Variants in SRP54 observed in about 807,000 individuals in gnomAD.
SRP54 encodes signal recognition particle subunit SRP54.
In SRP54, 10 loss-of-function variants were observed where a neutral mutation model predicts 64.8. The ratio of observed to expected loss-of-function variants is 0.15; its 90% CI spans 0.10 to 0.26. The LOEUF is 0.26. Ranked by LOEUF, SRP54 falls within the 10% of genes least tolerant of loss-of-function variation. The pLI, the probability that SRP54 is intolerant of heterozygous loss-of-function variation, is 1.00. For synonymous variants in SRP54, 193 were observed against 185.6 expected (o/e 1.04, Z -0.32); for missense variants, 325 against 613.7 (o/e 0.53, Z 4.97).
At chr14:34,984,687 A>T (rs1566638852) in intron 1 of SRP54, among the ~76,000 whole-genome samples, 1 of 152,108 alleles carries the variant, frequency 6.6e-6, no homozygotes, top group Non-Finnish European at 1.5e-5. Flanking sequence ...TTTTTAGTAG[A>T]GATGGGGTTC....
chr14:34,988,418 TGG>T (rs1229028112), intron 1 of SRP54, among the ~76,000 whole-genome samples: 5 of 150,000 alleles, frequency 3.3e-5, no homozygotes, highest in African/African-American at 4.9e-5. Context: ...AAAAATTAGG[TGG>T]GTGTGGTGGC....
chr14:34,986,607 T>C (rs10135654), intron 1 of SRP54, among the ~76,000 whole-genome samples: 56,031 of 152,052 alleles, frequency 0.37, 10,943 homozygotes, highest in East Asian at 0.69. Context: ...TTGCTGGTCG[T>C]GGTGGCTCAC....
intron 2 of SRP54, 99 bp downstream of exon 2, chr14:34,996,886 GT>G: frequency 1.1e-6 from 1 of 901,334 alleles, no homozygotes; most frequent in South Asian, 1.4e-5. Context: ...GTATTTTGAT[GT>G]AGACTTAATA....
chr14:34,994,124 G>A (rs1324890534), intron 1 of SRP54, among the ~76,000 whole-genome samples: 2 of 152,064 alleles, frequency 1.3e-5, no homozygotes, highest in Non-Finnish European at 2.9e-5. Flanking sequence ...CTTCTGAGTA[G>A]CTGGAATTAA....
intron 4 of SRP54, among the ~76,000 whole-genome samples, chr14:35,003,702 G>A (rs1179595576): frequency 6.6e-6 from 1 of 151,172 alleles, no homozygotes; most frequent in Non-Finnish European, 1.5e-5. Context: ...CCTAGTAGCT[G>A]GGACTACTAC....
In SRP54 at chr14:35,028,283, A is replaced by T. The variant is rs974726974; in HGVS notation, c.1423+100A>T. On this transcript the variant is annotated intron_variant, in intron 15 of 15. Coordinates refer to ENST00000216774, the MANE Select transcript of SRP54 (RefSeq NM_003136.4). ...TTGTAATATTATGAAAATATGTTCA[A>T]AAGGTGTGTGATTTCAGGGAAATGG... 12 of 712,964 alleles carry T rather than the reference A, an allele frequency of 1.7e-5. No individual in the cohort carries two copies. The East Asian group carries it at 3.2e-4, about 19-fold the overall frequency. 44.2% of individuals were successfully genotyped at this position (712,964 alleles called of 1,614,324 possible).
chr14:35,019,122 G>T, intron 13 of SRP54, 48 bp downstream of exon 13: 1 of 1,300,678 alleles, frequency 7.7e-7, no homozygotes. Context: ...CTGAGTATCA[G>T]TAAGATGAGA....
chr14:35,016,952 T>G (rs1274956477), intron 11 of SRP54, among the ~76,000 whole-genome samples: 1 of 151,128 alleles, frequency 6.6e-6, no homozygotes, highest in African/African-American at 2.4e-5. Context: ...CCTCCCAGTT[T>G]GAAGCAGTTC....
intron 1 of SRP54, among the ~76,000 whole-genome samples, chr14:34,989,539 T>C (rs799482): frequency 6.6e-6 from 1 of 152,072 alleles, no homozygotes; most frequent in African/African-American, 2.4e-5. Flanking sequence ...CATTAGACTC[T>C]GTTTATATAA....
chr14:35,028,305 A>G (rs555932189), intron 15 of SRP54, 122 bp downstream of exon 15: 1 of 593,968 alleles, frequency 1.7e-6, no homozygotes. Context: ...TTTCAGGGAA[A>G]TGGTCATCTG....
At chr14:35,014,702 G>T (rs750879925) in intron 10 of SRP54, 42 bp from the exon 11 acceptor site, 5 of 1,417,126 alleles carry the variant, frequency 3.5e-6, no homozygotes, top group Non-Finnish European at 4.0e-6. Context: ...GTGAAGCAGG[G>T]TATAGTATTA....
chr14:35,001,276 C>T (rs937870636), intron 4 of SRP54, among the ~76,000 whole-genome samples: 16 of 150,446 alleles, frequency 1.1e-4, no homozygotes, highest in African/African-American at 3.7e-4. Context: ...CTCAGCCTCC[C>T]GAGTAGCTGG....
At chr14:34,999,148 G>A (rs1050751706) in intron 2 of SRP54, among the ~76,000 whole-genome samples, 1 of 151,346 alleles carries the variant, frequency 6.6e-6, no homozygotes, top group Non-Finnish European at 1.5e-5. Flanking sequence ...CTGAGTAGCT[G>A]GGATCACAGG....
chr14:35,028,173 T>C lies in SRP54; in HGVS notation c.1413T>C (p.Leu471=), dbSNP rs764083360. The change falls in exon 15 of 16, where the codon CTT becomes CTC. Residue 471 remains leucine, a synonymous_variant. Transcript: ENST00000216774. ...QMAKMMDPRV[L]HHMGGMAGLQ... is the part of the protein sequence containing the mutation. ...CCAAAATGATGGATCCTAGGGTTCT[T>C]CATCACATGGGTAAATACCAAGTTG... The C allele has an allele frequency of 1.2e-6, 2 of 1,609,408 alleles. No individual in the cohort carries two copies. The highest frequency in any genetic ancestry group is 2.2e-5 in the South Asian group (2 of 90,256).
intron 4 of SRP54, among the ~76,000 whole-genome samples, chr14:35,002,070 G>T (rs547650024): frequency 1.3e-5 from 2 of 151,926 alleles, no homozygotes; most frequent in African/African-American, 4.8e-5. Context: ...AATAGCTGGT[G>T]CAGGCCGGGT....
intron 7 of SRP54, among the ~76,000 whole-genome samples, chr14:35,010,398 A>G (rs1377665282): frequency 1.3e-5 from 2 of 152,114 alleles, no homozygotes; most frequent in Non-Finnish European, 2.9e-5. Context: ...GTGAGCTGAG[A>G]TGGCATCATT....
chr14:35,016,207 C>G (rs2044436352), intron 11 of SRP54, among the ~76,000 whole-genome samples: 1 of 152,170 alleles, frequency 6.6e-6, no homozygotes, highest in African/African-American at 2.4e-5. Context: ...TTCCTGTACT[C>G]TTCCCCTTTG....
chr14:34,993,655 C>T (rs2044018351), intron 1 of SRP54, among the ~76,000 whole-genome samples: 1 of 151,874 alleles, frequency 6.6e-6, no homozygotes, highest in Non-Finnish European at 1.5e-5. Context: ...GTGAATGAGT[C>T]AGCTATTTCA....
intron 14 of SRP54, among the ~76,000 whole-genome samples, chr14:35,026,425 G>A (rs1476350944): frequency 6.6e-6 from 1 of 151,650 alleles, no homozygotes; most frequent in Non-Finnish European, 1.5e-5. Context: ...GTAGAGACAG[G>A]GTTTCCCCAT....
Sources: gnomAD v4.1 joint callset for allele counts (sites outside exome capture counted in the v4.1 genomes callset) on GRCh38, gnomAD v4.1.1 for gene constraint, MANE v1.5 for transcripts, NCBI Gene and HGNC (gene_info 2026-07-23, HGNC 2026-07-21) for gene names.